The following PPAT variants were observed in gnomAD, a reference collection of about 807,000 sequenced individuals.
PPAT encodes amidophosphoribosyltransferase.
Under a neutral mutation model 60.2 loss-of-function variants are expected in PPAT, and 20 were observed. That is an observed-to-expected ratio of 0.33 (90% CI 0.23 to 0.48). The LOEUF (loss-of-function observed/expected upper bound fraction) is 0.48, where lower values mean the gene tolerates loss of function less well. PPAT is among the 20% of genes least tolerant of loss of function. PPAT has a pLI of 0.99. For missense variants in PPAT, 349 were observed against 629.6 expected (o/e 0.55, Z 4.77); for synonymous variants, 194 against 215.1 (o/e 0.90, Z 0.86).
rs1302046229 is a variant in PPAT, at chr4:56,395,076, A to G, written c.*276T>C. On this transcript the variant is annotated 3_prime_UTR_variant, in exon 11 of 11. Coordinates refer to ENST00000264220, the MANE Select transcript of PPAT (RefSeq NM_002703.5). Reference sequence around the variant, plus strand: ...TTAAAGCATGGACTTGGGAAATGTCAGTGACCACCTGCCTTCTCTGACCAG... The same window carrying G: ...TTAAAGCATGGACTTGGGAAATGTCGGTGACCACCTGCCTTCTCTGACCAG... 6.0e-6 allele frequency: 2 copies of G among 334,926 alleles called. No individual in the cohort carries two copies. Among genetic ancestry groups the G allele is most frequent in the Non-Finnish European group, 1.1e-5 (2 of 185,996 alleles). 20.7% of individuals were successfully genotyped at this position (334,926 alleles called of 1,614,324 possible).
rs1253951940 is a variant in PPAT at position 56,404,309 on chromosome 4, G to T, written c.403-908C>A. 1.3e-4 allele frequency among the ~76,000 whole-genome samples: 20 copies of T among 152,322 alleles called. No homozygotes were observed. The East Asian group carries it at 3.9e-3, about 29-fold the overall frequency. On this transcript the variant is annotated intron_variant, in intron 3 of 10. Transcript: ENST00000264220. ...ATTCCTATAAAAGTAGTACACTACA[G>T]TGATAACTTTCAAGCTGGGTTTGTT...
chr4:56,435,230 G>A, intron 1 of PPAT, 120 bp downstream of exon 1: 1 of 1,446,284 alleles, frequency 6.9e-7, no homozygotes, highest in African/African-American at 1.4e-5. Flanking sequence ...GGCAGGTACT[G>A]GCTTAGGTCG....
chr4:56,403,548 C>T, intron 3 of PPAT, 147 bp from the exon 4 acceptor site: 1 of 621,336 alleles, frequency 1.6e-6, no homozygotes, highest in East Asian at 2.8e-5. Flanking sequence ...AGTCCCCAAC[C>T]TTTTTGGCAC....
At chr4:56,399,439 T>A in intron 8 of PPAT, 39 bp from the exon 9 acceptor site, 1 of 1,460,144 alleles carries the variant, frequency 6.8e-7, no homozygotes, top group Non-Finnish European at 9.5e-7. Flanking sequence ...AGGAGTAATA[T>A]ACAGAATAGG....
chr4:56,405,094 T>TA (rs1382895998), intron 3 of PPAT, among the ~76,000 whole-genome samples: 7,870 of 136,400 alleles, frequency 0.058, 383 homozygotes, highest in East Asian at 0.2. Context: ...GACAGGCAGT[T>TA]AAAAAAAAAA....
chr4:56,413,225 T>A (rs1030443347), intron 1 of PPAT, among the ~76,000 whole-genome samples: 2 of 152,218 alleles, frequency 1.3e-5, no homozygotes, highest in African/African-American at 4.8e-5. Flanking sequence ...AGTGGTGCAA[T>A]CTCAGCTCAC....
At chr4:56,405,493 G>C (rs1044164397) in intron 3 of PPAT, among the ~76,000 whole-genome samples, 6 of 152,228 alleles carry the variant, frequency 3.9e-5, no homozygotes, top group African/African-American at 1.4e-4. Flanking sequence ...TCAACCAGAG[G>C]GTTGGAGCTT....
chr4:56,425,501 T>A (rs1199166154), intron 1 of PPAT: 1 of 312,394 alleles, frequency 3.2e-6, no homozygotes, highest in African/African-American at 2.3e-5. Flanking sequence ...TATTATGAAG[T>A]CATGATTTTT....
intron 3 of PPAT, among the ~76,000 whole-genome samples, chr4:56,406,058 T>C (rs982539437): frequency 7.2e-5 from 11 of 152,208 alleles, no homozygotes; most frequent in Admixed American, 7.2e-4. Flanking sequence ...TGGTGTCCTC[T>C]GGAAAACTGC....
At chr4:56,395,858 C>G (rs1424429171) in intron 10 of PPAT, among the ~76,000 whole-genome samples, 2 of 152,054 alleles carry the variant, frequency 1.3e-5, no homozygotes, top group African/African-American at 2.4e-5. Flanking sequence ...TCAGGAAGAT[C>G]TAGGCTCAAA....
intron 1 of PPAT, among the ~76,000 whole-genome samples, chr4:56,432,802 AAT>A (rs200481094): frequency 1.6e-4 from 24 of 147,214 alleles, no homozygotes; most frequent in Non-Finnish European, 2.6e-4. Flanking sequence ...AAAAAAAAAA[AAT>A]CAAGAAGATA....
At chr4:56,417,559 T>C (rs573038113) in intron 1 of PPAT, among the ~76,000 whole-genome samples, 3 of 152,264 alleles carry the variant, frequency 2.0e-5, no homozygotes, top group Admixed American at 6.5e-5. Flanking sequence ...AGGTGCGGGA[T>C]CACTTGAGAC....
intron 1 of PPAT, among the ~76,000 whole-genome samples, chr4:56,426,810 G>A (rs546037608): frequency 3.9e-5 from 6 of 152,180 alleles, no homozygotes; most frequent in South Asian, 4.2e-4. Context: ...GTACGTTCAC[G>A]TTGTTGTGCA....
chr4:56,403,105 T>A lies in PPAT; in HGVS notation c.596A>T (p.Asp199Val). The A allele has an allele frequency of 6.2e-7, 1 of 1,612,166 alleles. No individual in the cohort carries two copies. Among genetic ancestry groups the A allele is most frequent in the Non-Finnish European group, 8.5e-7 (1 of 1,178,370 alleles). Reference sequence around the variant, plus strand: ...GCATAAGGGACGATTTCCATAAGGATCTCGTACTGCATAAATAACATCTCT... The same window carrying A: ...GCATAAGGGACGATTTCCATAAGGAACTCGTACTGCATAAATAACATCTCT... ...MHRDVIYAVR[D>V]PYGNRPLCIG... Residue 199 changes from aspartate (D) to valine (V), a missense_variant, in exon 5 of 11, where the codon GAT becomes GTT. By Grantham distance (152) the Asp-to-Val change is radical. Transcript: ENST00000264220.
chr4:56,425,042 C>T (rs1717219743), intron 1 of PPAT, among the ~76,000 whole-genome samples: 2 of 152,140 alleles, frequency 1.3e-5, no homozygotes, highest in Admixed American at 1.3e-4. Context: ...AAGAATAACC[C>T]TAGAAATGCC....
chr4:56,400,186 T>C, intron 8 of PPAT: 1 of 152,664 alleles, frequency 6.6e-6, no homozygotes. Flanking sequence ...TCTTCCCTCC[T>C]CAGCCTACTC....
chr4:56,410,772 T>TA, intron 1 of PPAT: 1 of 987,386 alleles, frequency 1.0e-6, no homozygotes, highest in Non-Finnish European at 1.2e-6. Context: ...TCTAAAACTA[T>TA]GAAGTTCTTC....
At chr4:56,434,791 C>G (rs539113812) in intron 1 of PPAT, among the ~76,000 whole-genome samples, 36 of 152,344 alleles carry the variant, frequency 2.4e-4, no homozygotes, top group Non-Finnish European at 2.4e-4. Context: ...AACTAGTCAT[C>G]TTTCCCTGGG....
intron 1 of PPAT, chr4:56,419,526 A>G: frequency 3.5e-6 from 1 of 289,452 alleles, no homozygotes; most frequent in Non-Finnish European, 5.2e-6. Flanking sequence ...TATGGAGGAA[A>G]CTGCTTTCTT....
Sources: gnomAD v4.1 joint callset for allele counts (sites outside exome capture counted in the v4.1 genomes callset) on GRCh38, gnomAD v4.1.1 for gene constraint, MANE v1.5 for transcripts, NCBI Gene and HGNC (gene_info 2026-07-23, HGNC 2026-07-21) for gene names.